Variants in PRKAR1B observed in about 807,000 individuals in gnomAD.
The protein encoded by PRKAR1B is protein kinase cAMP-dependent type I regulatory subunit beta, also known as cAMP-dependent protein kinase type I-beta regulatory subunit.
PRKAR1B carries 22 observed loss-of-function variants against 46.5 expected under a neutral mutation model. The observed-to-expected ratio is 0.47, with a 90% CI of 0.34 to 0.68. PRKAR1B has a LOEUF of 0.68. Among genes scored for constraint, PRKAR1B ranks in the 30% least tolerant of loss-of-function variants. The probability of loss-of-function intolerance (pLI) is 0.01; values close to 1 mark genes in which losing one functional copy is unlikely to be tolerated. For synonymous variants in PRKAR1B, 259 were observed against 217.7 expected (o/e 1.19, Z -1.67); for missense variants, 445 against 535.6 (o/e 0.83, Z 1.67).
At chr7:703,522 G>T (rs1780165956) in intron 2 of PRKAR1B, among the ~76,000 whole-genome samples, 1 of 152,050 alleles carries the variant, frequency 6.6e-6, no homozygotes, top group Non-Finnish European at 1.5e-5. Context: ...TGGGCGTGGT[G>T]GCAGACGCCT....
chr7:646,629 A>C (rs898195869), intron 4 of PRKAR1B, among the ~76,000 whole-genome samples: 2 of 152,152 alleles, frequency 1.3e-5, no homozygotes, highest in Non-Finnish European at 2.9e-5. Flanking sequence ...TTTCCCATAA[A>C]AACATCACTT....
At chr7:550,751 G>C (rs968074108) in intron 10 of PRKAR1B, 149 bp from the exon 11 acceptor site, 2 of 632,902 alleles carry the variant, frequency 3.2e-6, no homozygotes, top group African/African-American at 1.9e-5. Flanking sequence ...TGTAGCATAA[G>C]TATAGCCCGA....
At position 667,908 on chromosome 7, in the gene PRKAR1B, C is replaced by T. The variant is rs978385746; in HGVS notation, c.440+9321G>A. Among the ~76,000 whole-genome samples, 1 of 152,250 alleles carries T rather than the reference C, an allele frequency of 6.6e-6. No homozygotes were observed. Among genetic ancestry groups the T allele is most frequent in the African/African-American group, 2.4e-5 (1 of 41,464 alleles). ...AGGCGGTCTGGGGGAGTTGCAGCCT[C>T]CCTCACAACCACGTTGCACTATCTT... is the stretch of plus-strand genomic sequence containing the variant. On this transcript the variant is annotated intron_variant, in intron 4 of 10. Transcript: ENST00000537384. This position sits in a 1 kb window ranked among gnomAD's most constrained non-coding sequence, Gnocchi z 4.3.
intron 7 of PRKAR1B, among the ~76,000 whole-genome samples, chr7:591,666 A>G (rs1030473628): frequency 1.3e-5 from 2 of 152,182 alleles, no homozygotes; most frequent in African/African-American, 4.8e-5. Flanking sequence ...CTTGGGCAAC[A>G]TATCAAGACT....
rs73669610 is a variant in PRKAR1B, at chr7:670,954, T to C, written c.440+6275A>G. On this transcript the variant is annotated intron_variant, in intron 4 of 10. Coordinates refer to ENST00000537384, the MANE Select transcript of PRKAR1B (RefSeq NM_001164760.2). ...CGGAGATGATCGTGGCTGCAGCACA[T>C]CCCAGCCCATCTTCAGCCAGAGCTT... 2.7e-3 allele frequency among the ~76,000 whole-genome samples: 410 copies of C among 152,280 alleles called. 1 individual carries two copies. The highest frequency in any genetic ancestry group is 9.1e-3 in the African/African-American group (377 of 41,560).
At chr7:660,522 C>A (rs1008671236) in intron 4 of PRKAR1B, among the ~76,000 whole-genome samples, 7 of 113,304 alleles carry the variant, frequency 6.2e-5, no homozygotes, top group African/African-American at 1.3e-4. Flanking sequence ...TACTCTCCCC[C>A]CCATGGCACA....
chr7:581,163 T>C (rs9690106), intron 8 of PRKAR1B, among the ~76,000 whole-genome samples: 63,497 of 151,160 alleles, frequency 0.42, 13,927 homozygotes, highest in African/African-American at 0.49. Flanking sequence ...ATTAGCCGGG[T>C]GTGGTGGCGG....
intron 7 of PRKAR1B, among the ~76,000 whole-genome samples, chr7:589,056 T>C (rs1405345588): frequency 6.6e-6 from 1 of 150,860 alleles, no homozygotes; most frequent in Non-Finnish European, 1.5e-5. Context: ...ATGGTGGCAA[T>C]GATGATGGTG....
chr7:583,688 G>A (rs1583246765), intron 8 of PRKAR1B, among the ~76,000 whole-genome samples: 1 of 118,922 alleles, frequency 8.4e-6, no homozygotes, highest in East Asian at 2.2e-4. Context: ...CCCACACGGT[G>A]CACTCACACC....
chr7:722,415 T>C (rs1781107114), intron 1 of PRKAR1B, among the ~76,000 whole-genome samples: 1 of 150,074 alleles, frequency 6.7e-6, no homozygotes. Context: ...TTTTCTATTT[T>C]TAGTAGAGAT....
At chr7:651,255 A>G (rs1784888602) in intron 4 of PRKAR1B, among the ~76,000 whole-genome samples, 1 of 152,218 alleles carries the variant, frequency 6.6e-6, no homozygotes, top group African/African-American at 2.4e-5. Context: ...TGCAAGGGGC[A>G]AACCAGGCTG....
chr7:718,603 C>T (rs912677066), intron 1 of PRKAR1B, among the ~76,000 whole-genome samples: 2 of 151,882 alleles, frequency 1.3e-5, no homozygotes, highest in African/African-American at 2.4e-5. Flanking sequence ...GTGATCCACC[C>T]GCCTCAGCCT....
chr7:559,141 T>A (rs1778631140), intron 9 of PRKAR1B, among the ~76,000 whole-genome samples: 1 of 152,186 alleles, frequency 6.6e-6, no homozygotes, highest in African/African-American at 2.4e-5. Context: ...GGAGGCCACA[T>A]CCCTGCCCGG....
chr7:673,738 C>G (rs1199199103), intron 4 of PRKAR1B, among the ~76,000 whole-genome samples: 2 of 152,160 alleles, frequency 1.3e-5, no homozygotes, highest in Admixed American at 1.3e-4. Flanking sequence ...CCTCTGTGCA[C>G]GTATCCCAGG....
In PRKAR1B at chr7:549,971, C is replaced by T. The variant is rs538777593; in HGVS notation, c.*459G>A. The T allele has an allele frequency of 4.6e-4, 78 of 168,244 alleles. No individual in the cohort carries two copies. In the Middle Eastern group the frequency reaches 0.018, roughly 39 times the overall value. 10.4% of individuals were successfully genotyped at this position (168,244 alleles called of 1,614,324 possible). On this transcript the variant is annotated 3_prime_UTR_variant, in exon 11 of 11. Coordinates refer to ENST00000537384, the MANE Select transcript of PRKAR1B (RefSeq NM_001164760.2). ...TCGGCCTCAACTCCCTGCTCTCAGC[C>T]TCATCTCCCCTGGGGGGCAGCCCCT...
At chr7:712,136 G>A (rs1296296131) in intron 1 of PRKAR1B, among the ~76,000 whole-genome samples, 2 of 151,300 alleles carry the variant, frequency 1.3e-5, no homozygotes, top group Non-Finnish European at 3.0e-5. Flanking sequence ...GGCCGGCACC[G>A]CACCGCGGGG....
At chr7:595,316 CG>C (rs1781209723) in intron 7 of PRKAR1B, among the ~76,000 whole-genome samples, 1 of 152,046 alleles carries the variant, frequency 6.6e-6, no homozygotes, top group Non-Finnish European at 1.5e-5. Context: ...GGCCCCTCCA[CG>C]GAACAGCAGT....
In PRKAR1B at chr7:680,621, G is replaced by T; in HGVS notation, c.283C>A (p.Arg95Ser). The T allele has an allele frequency of 6.2e-7, 1 of 1,613,246 alleles. No homozygotes were observed. The highest frequency in any genetic ancestry group is 8.5e-7 in the Non-Finnish European group (1 of 1,179,824). The change falls in exon 3 of 11, where the codon CGC becomes AGC. Residue 95 changes from arginine (R) to serine (S), a missense_variant. Arg to Ser is a moderately radical substitution (Grantham distance 110, BLOSUM62 -1). This residue lies in a region of PRKAR1B where 155 missense variants were observed against 127.5 expected (regional missense o/e 1.22). Coordinates refer to ENST00000537384, the MANE Select transcript of PRKAR1B (RefSeq NM_001164760.2). ...TPPNPVVKAR[R>S]RRGGVSAEVY... ...TCGGCACTCACGCCTCCTCGCCGGC[G>T]GCGGGCCTTCACCACAGGGTTCGGG...
chr7:679,984 C>A (rs910007974), intron 3 of PRKAR1B, among the ~76,000 whole-genome samples: 5 of 151,974 alleles, frequency 3.3e-5, no homozygotes, highest in African/African-American at 1.2e-4. Context: ...CAGTGAAACC[C>A]CGTCTTTACT....
Sources: allele counts gnomAD v4.1 joint callset (sites outside exome capture counted in the v4.1 genomes callset), GRCh38; gene constraint gnomAD v4.1.1; regional missense constraint gnomAD v4.1.1; non-coding constraint Gnocchi (gnomAD v3.1); transcripts MANE v1.5; gene names NCBI Gene and HGNC (gene_info 2026-07-23, HGNC 2026-07-21).